Variants in RNF38 observed in about 807,000 individuals in gnomAD.
The protein encoded by RNF38 is ring finger protein 38, also known as E3 ubiquitin-protein ligase RNF38.
Under a neutral mutation model 67.2 loss-of-function variants are expected in RNF38, and 15 were observed. The observed-to-expected ratio is 0.22, with a 90% CI of 0.15 to 0.34. The LOEUF is 0.34. RNF38 is among the 10% of genes least tolerant of loss of function. The pLI is 1.00. For synonymous variants in RNF38, 220 were observed against 218.8 expected (o/e 1.01, Z -0.05); for missense variants, 524 against 639.9 (o/e 0.82, Z 1.95).
chr9:36,477,543 C>T (rs889998724), intron 1 of RNF38, among the ~76,000 whole-genome samples: 17 of 151,666 alleles, frequency 1.1e-4, no homozygotes, highest in Admixed American at 7.2e-4. Flanking sequence ...TGTAGTTGGC[C>T]GGGTACTGTG....
upstream of RNF38, chr9:36,400,912 G>A: frequency 1.3e-6 from 1 of 766,970 alleles, no homozygotes; most frequent in Non-Finnish European, 1.5e-6. Context: ...CCGCCCCGCC[G>A]CGCCCCGCCG....
chr9:36,361,829 C>G (rs1214187750), intron 4 of RNF38, among the ~76,000 whole-genome samples: 1 of 152,156 alleles, frequency 6.6e-6, no homozygotes, highest in Non-Finnish European at 1.5e-5. Context: ...TAGAGCTTGT[C>G]TACTTTTGAC....
At chr9:36,361,008 G>A (rs1481788190) in intron 4 of RNF38, among the ~76,000 whole-genome samples, 1 of 151,950 alleles carries the variant, frequency 6.6e-6, no homozygotes, top group Non-Finnish European at 1.5e-5. Flanking sequence ...GTAGAGACAG[G>A]GTTTCACTGT....
intron 4 of RNF38, among the ~76,000 whole-genome samples, chr9:36,365,250 C>T (rs947130723): frequency 5.9e-5 from 9 of 151,964 alleles, no homozygotes; most frequent in African/African-American, 2.2e-4. Flanking sequence ...CGGGATCTTT[C>T]GAGTCAAATC....
rs867093961 is a variant in RNF38 at position 36,363,862 on chromosome 9, C to T, written c.570+5857G>A. The stretch of plus-strand genomic sequence containing the variant: ...CATGAGTTTGAACTGCATGGGTCTA[C>T]TTATATGCAGATTTTTTTTTTTTTT... On this transcript the variant is annotated intron_variant, in intron 4 of 11. Transcript: ENST00000259605. Among the ~76,000 whole-genome samples, 29 of 92,902 alleles carry T rather than the reference C, an allele frequency of 3.1e-4. 11 individuals are homozygous for T. The highest frequency in any genetic ancestry group is 9.1e-3 in the Middle Eastern group (2 of 220). The allele number at this position is 92,902 out of a possible 152,430, so 60.9% of individuals were successfully genotyped here. A position where few individuals can be genotyped will look rare whatever the true frequency, so the allele number is the denominator to read the frequency against.
chr9:36,388,843 T>C (rs1836845645), intron 2 of RNF38, among the ~76,000 whole-genome samples: 1 of 152,152 alleles, frequency 6.6e-6, no homozygotes, highest in Admixed American at 6.6e-5. Context: ...TAAGAAAGCA[T>C]AACACATTAA....
chr9:36,346,175 T>C (rs552069506), intron 9 of RNF38, among the ~76,000 whole-genome samples: 1 of 152,338 alleles, frequency 6.6e-6, no homozygotes, highest in Non-Finnish European at 1.5e-5. Flanking sequence ...TCATGAACTT[T>C]AACATATTTG....
intron 1 of RNF38, among the ~76,000 whole-genome samples, chr9:36,467,861 A>T (rs893125417): frequency 4.6e-5 from 7 of 152,218 alleles, no homozygotes; most frequent in African/African-American, 1.7e-4. Context: ...TAATCTGAGA[A>T]GGGTTTGTTT....
At chr9:36,405,993 C>T (rs1008327145), upstream of RNF38, among the ~76,000 whole-genome samples, 4 of 152,146 alleles carry the variant, frequency 2.6e-5, no homozygotes, top group Non-Finnish European at 5.9e-5. Context: ...GATCTTTTTA[C>T]AAAAAAGTTG....
chr9:36,453,747 C>T (rs1388854974), intron 1 of RNF38, among the ~76,000 whole-genome samples: 1 of 151,996 alleles, frequency 6.6e-6, no homozygotes, highest in East Asian at 1.9e-4. Flanking sequence ...AGGCTGGTCT[C>T]GAACTCCTAC....
intron 2 of RNF38, 111 bp from the exon 3 acceptor site, chr9:36,376,238 C>A (rs144387537): frequency 7.5e-6 from 6 of 794,714 alleles, no homozygotes; most frequent in Non-Finnish European, 1.1e-5. Context: ...AAATGTAAAG[C>A]GGGGAAAAAA....
Position 36,385,887 on chromosome 9 carries a change from A to G in RNF38, c.162+4580T>C, listed in dbSNP as rs1165091104. Among the ~76,000 whole-genome samples, 8 of 152,262 alleles carry G rather than the reference A, an allele frequency of 5.3e-5. No homozygotes were observed. In the South Asian group the frequency reaches 1.7e-3, roughly 32 times the overall value. ...TACAAAGTTTTGCCTCATCTGCCAT[A>G]TTTACCTGACCTCTCGCTGACCGAC... On this transcript the variant is annotated intron_variant, in intron 2 of 11. Transcript: ENST00000259605.
chr9:36,385,806 C>T (rs982192078), intron 2 of RNF38, among the ~76,000 whole-genome samples: 1 of 152,186 alleles, frequency 6.6e-6, no homozygotes, highest in African/African-American at 2.4e-5. Context: ...CAGTTCTTCT[C>T]GTTGAATTCT....
exon 1 of RNF38, chr9:36,487,446 G>A: frequency 2.0e-6 from 2 of 980,496 alleles, no homozygotes; most frequent in Non-Finnish European, 2.4e-6. Context: ...CGGCGCGGGG[G>A]CCCAAGCTCG....
chr9:36,404,412 T>C (rs979822266), upstream of RNF38, among the ~76,000 whole-genome samples: 1 of 152,076 alleles, frequency 6.6e-6, no homozygotes, highest in African/African-American at 2.4e-5. Context: ...TAAATTTCCA[T>C]AGGAATTTTA....
In RNF38 at chr9:36,344,924, T is replaced by A. The variant is rs994360238; in HGVS notation, c.1293A>T (p.Gly431=). ...TAGTCAGTCCACGAGGCTTTGCCTC[T>A]CCCAGTCGCTCTGCCAGGTTTAACA... ...EALLNLAERL[G]EAKPRGLTKA... Residue 431 remains glycine, a synonymous_variant, in exon 10 of 12, where the codon GGA becomes GGT. Coordinates refer to ENST00000259605, the MANE Select transcript of RNF38 (RefSeq NM_022781.5). 2 of 1,613,618 alleles carry A rather than the reference T, an allele frequency of 1.2e-6. No individual in the cohort carries two copies. Among genetic ancestry groups the A allele is most frequent in the African/African-American group, 2.7e-5 (2 of 74,926 alleles).
chr9:36,475,198 G>A (rs528131881), intron 1 of RNF38, among the ~76,000 whole-genome samples: 2 of 150,852 alleles, frequency 1.3e-5, no homozygotes, highest in Admixed American at 1.3e-4. Flanking sequence ...TGATGTTTTT[G>A]CAATCCCAAA....
chr9:36,453,059 T>A (rs563567344), intron 1 of RNF38, among the ~76,000 whole-genome samples: 6 of 152,238 alleles, frequency 3.9e-5, no homozygotes, highest in African/African-American at 1.4e-4. Context: ...ATATTAAACT[T>A]TTTGAGGAAC....
chr9:36,423,504 T>C (rs983773557), intron 2 of RNF38, among the ~76,000 whole-genome samples: 2 of 152,128 alleles, frequency 1.3e-5, no homozygotes, highest in African/African-American at 4.8e-5. Flanking sequence ...TTCCTGCATA[T>C]AACACGCAGA....
Sources: gnomAD v4.1 joint callset for allele counts (sites outside exome capture counted in the v4.1 genomes callset) on GRCh38, gnomAD v4.1.1 for gene constraint, MANE v1.5 for transcripts, NCBI Gene and HGNC (gene_info 2026-07-23, HGNC 2026-07-21) for gene names.